SMAD1: variants seen among roughly 807,000 people sequenced by gnomAD.
The protein encoded by SMAD1 is SMAD family member 1.
SMAD1 carries 6 observed loss-of-function variants against 41.6 expected under a neutral mutation model. The ratio of observed to expected loss-of-function variants is 0.14; its 90% confidence interval spans 0.08 to 0.28. The LOEUF (loss-of-function observed/expected upper bound fraction) is 0.28. Among genes scored for constraint, SMAD1 ranks in the 10% least tolerant of loss-of-function variants. SMAD1 has a pLI of 1.00. For synonymous variants in SMAD1, 206 were observed against 203.2 expected (o/e 1.01, Z -0.12); for missense variants, 379 against 582.6 (o/e 0.65, Z 3.60).
upstream of SMAD1, chr4:145,481,754 T>TGAGCGTGTGAGCGGGC (rs1396726661): frequency 6.1e-4 from 112 of 182,850 alleles, no homozygotes; most frequent in African/African-American, 3.0e-3. Flanking sequence ...GGTGAGCGGG[T>TGAGCGTGTGAGCGGGC]GAGCGTGTGA....
intron 1 of SMAD1, among the ~76,000 whole-genome samples, chr4:145,483,400 C>A (rs1728304420): frequency 6.6e-6 from 1 of 152,190 alleles, no homozygotes; most frequent in South Asian, 2.1e-4. Context: ...CTCAGTAACA[C>A]AATGAGAAAA....
intron 1 of SMAD1, among the ~76,000 whole-genome samples, chr4:145,509,388 A>T (rs1035742936): frequency 1.3e-5 from 2 of 152,146 alleles, no homozygotes; most frequent in African/African-American, 4.8e-5. Flanking sequence ...TGTCGATTTG[A>T]ATAGTTAAAA....
intron 1 of SMAD1, chr4:145,497,840 A>G (rs1729179301): frequency 6.6e-6 from 1 of 152,180 alleles, no homozygotes; most frequent in Non-Finnish European, 1.5e-5. Flanking sequence ...TTTAGCTCTT[A>G]GGTGGAGGGA....
intron 2 of SMAD1, among the ~76,000 whole-genome samples, chr4:145,520,332 T>G (rs563162380): frequency 6.6e-6 from 1 of 152,216 alleles, no homozygotes; most frequent in Non-Finnish European, 1.5e-5. Flanking sequence ...CTTCAGTGGA[T>G]GAATGTGTAG....
At chr4:145,496,000 G>A (rs1048869629) in intron 1 of SMAD1, among the ~76,000 whole-genome samples, 1 of 152,062 alleles carries the variant, frequency 6.6e-6, no homozygotes, top group Non-Finnish European at 1.5e-5. Context: ...ACACATACAA[G>A]AGCTAATGGT....
chr4:145,534,964 T>C, intron 2 of SMAD1, among the ~76,000 whole-genome samples: 1 of 151,158 alleles, frequency 6.6e-6, no homozygotes, highest in East Asian at 1.9e-4. Flanking sequence ...TGGTAAAATA[T>C]CCACAACATA....
At chr4:145,544,433 T>C (rs1307844189) in intron 4 of SMAD1, 1 of 152,062 alleles carries the variant, frequency 6.6e-6, no homozygotes, top group Non-Finnish European at 1.5e-5. Context: ...ATGCAAAAAT[T>C]AGCTGGGTGT....
intron 2 of SMAD1, among the ~76,000 whole-genome samples, chr4:145,529,906 G>T (rs191090257): frequency 3.3e-5 from 5 of 152,304 alleles, no homozygotes; most frequent in African/African-American, 1.2e-4. Flanking sequence ...CTGGGATGAG[G>T]TATAAGAATC....
chr4:145,502,424 A>G (rs369283871), intron 1 of SMAD1, among the ~76,000 whole-genome samples: 5 of 152,222 alleles, frequency 3.3e-5, no homozygotes, highest in Admixed American at 3.3e-4. Flanking sequence ...GTTGGGGACA[A>G]TAAGAAAACT....
chr4:145,519,720 A>G (rs2126438385), intron 2 of SMAD1, among the ~76,000 whole-genome samples: 1 of 151,908 alleles, frequency 6.6e-6, no homozygotes, highest in South Asian at 2.1e-4. Flanking sequence ...TATAGTCACC[A>G]TGCTGTGCAA....
intron 2 of SMAD1, among the ~76,000 whole-genome samples, chr4:145,526,296 CT>C (rs1382801045): frequency 3.3e-5 from 5 of 152,120 alleles, no homozygotes; most frequent in Admixed American, 6.5e-5. Context: ...CTTTGTTTCC[CT>C]GTAGTTTCCC....
At chr4:145,555,734 T>C (rs988119591) in intron 6 of SMAD1, among the ~76,000 whole-genome samples, 11 of 152,106 alleles carry the variant, frequency 7.2e-5, no homozygotes, top group Non-Finnish European at 1.5e-5. Context: ...TTTATTAGAT[T>C]TCATTCATTC....
chr4:145,488,951 A>AG (rs761649910), intron 1 of SMAD1, among the ~76,000 whole-genome samples: 1 of 152,234 alleles, frequency 6.6e-6, no homozygotes, highest in Non-Finnish European at 1.5e-5. Flanking sequence ...GAGTTTGCAT[A>AG]GGCAGAAGGA....
Position 145,552,573 on chromosome 4 carries a change from T to TGATA in SMAD1, c.998-1209_998-1206dup, listed in dbSNP as rs200454212. On this transcript the variant is annotated intron_variant, in intron 5 of 6. Transcript: ENST00000302085. Reference sequence around the variant, plus strand: ...CTCACAGGAAGAAGTTTGGAGCAGGTGATAGTTCAGTGAGATCTAATTTTA... The same window carrying TGATA: ...CTCACAGGAAGAAGTTTGGAGCAGGTGATAGATAGTTCAGTGAGATCTAATTTTA... Among the ~76,000 whole-genome samples the TGATA allele has an allele frequency of 3.9e-3, 589 of 152,316 alleles. 4 individuals are homozygous for TGATA. The highest frequency in any genetic ancestry group is 0.014 in the African/African-American group (573 of 41,564).
At chr4:145,499,110 A>G (rs965760044) in intron 1 of SMAD1, among the ~76,000 whole-genome samples, 1 of 152,172 alleles carries the variant, frequency 6.6e-6, no homozygotes, top group Non-Finnish European at 1.5e-5. Context: ...TTTCTGCCCC[A>G]TTGCCCATAT....
At chr4:145,554,506 A>G (rs1732731294) in intron 6 of SMAD1, among the ~76,000 whole-genome samples, 1 of 152,130 alleles carries the variant, frequency 6.6e-6, no homozygotes, top group Admixed American at 6.5e-5. Flanking sequence ...CACATTGGAA[A>G]TTGTGTTTGG....
intron 2 of SMAD1, among the ~76,000 whole-genome samples, chr4:145,528,003 C>G (rs974268906): frequency 6.6e-6 from 1 of 151,950 alleles, no homozygotes; most frequent in Non-Finnish European, 1.5e-5. Context: ...GCCTCAGCCT[C>G]CCGAGTGTCT....
chr4:145,549,443 A>G (rs938498809), intron 5 of SMAD1, among the ~76,000 whole-genome samples: 1 of 152,110 alleles, frequency 6.6e-6, no homozygotes, highest in Non-Finnish European at 1.5e-5. Context: ...GTGTTACAAT[A>G]CATACATACA....
rs922253917 is a variant in SMAD1, at chr4:145,553,991, C to T, written c.1205C>T (p.Thr402Ile). Reference protein sequence around the residue: ...LAQSVNHGFETVYELTKMCTI... With the variant: ...LAQSVNHGFEIVYELTKMCTI... ...CAGTCTGTGAACCATGGATTTGAGA[C>T]AGTCTATGAGCTTACAAAAATGTGT... Residue 402 changes from threonine to isoleucine, a missense_variant, in exon 6 of 7, where the codon ACA (threonine) becomes ATA (isoleucine). Physicochemically the swap from Thr to Ile is moderately conservative, Grantham distance 89. This residue lies in a region of SMAD1 where 107 missense variants were observed against 218.3 expected (regional missense o/e 0.49). Coordinates refer to ENST00000302085, the MANE Select transcript of SMAD1 (RefSeq NM_005900.3). 3 of 1,613,608 alleles carry T rather than the reference C, an allele frequency of 1.9e-6. No individual in the cohort carries two copies. The African/African-American group carries it at 4.0e-5, about 22-fold the overall frequency.
Sources: gnomAD v4.1 joint callset for allele counts (sites outside exome capture counted in the v4.1 genomes callset) on GRCh38, gnomAD v4.1.1 for gene constraint, gnomAD v4.1.1 regional missense constraint, MANE v1.5 for transcripts, NCBI Gene and HGNC (gene_info 2026-07-23, HGNC 2026-07-21) for gene names.